CADPS: variants seen among roughly 807,000 people sequenced by gnomAD.
CADPS encodes the protein calcium-dependent secretion activator 1.
A neutral mutation model predicts 167.3 loss-of-function variants in CADPS; 57 were observed. That is an observed-to-expected ratio of 0.34 (90% CI 0.28 to 0.42). The LOEUF (loss-of-function observed/expected upper bound fraction) is 0.42, where lower values mean the gene tolerates loss of function less well. Ranked by LOEUF, CADPS falls within the 20% of genes least tolerant of loss-of-function variation. CADPS has a pLI of 1.00. For synonymous variants in CADPS, 676 were observed against 635.3 expected (o/e 1.06, Z -0.96); for missense variants, 1,414 against 1,738.1 (o/e 0.81, Z 3.32).
Position 62,704,697 on chromosome 3 carries a change from A to G in CADPS, c.889-42303T>C, listed in dbSNP as rs191665403. ...GGTTTATTCCTCTTGTATAAGGTAA[A>G]TAACATCAGTCAGCCATAGCATTAC... On this transcript the variant is annotated intron_variant, in intron 3 of 29. Transcript: ENST00000383710. Among the ~76,000 whole-genome samples the G allele has an allele frequency of 1.4e-3, 207 of 152,244 alleles. 3 individuals are homozygous for G. The highest frequency in any genetic ancestry group is 4.5e-3 in the African/African-American group (186 of 41,512).
At chr3:62,495,991 A>C (rs2064695639) in intron 18 of CADPS, among the ~76,000 whole-genome samples, 1 of 151,864 alleles carries the variant, frequency 6.6e-6, no homozygotes, top group Non-Finnish European at 1.5e-5. Flanking sequence ...AGTCACTTTG[A>C]TTTGAGTGGT....
intron 1 of CADPS, among the ~76,000 whole-genome samples, chr3:62,785,556 T>C (rs1168908308): frequency 6.6e-6 from 1 of 152,174 alleles, no homozygotes; most frequent in East Asian, 1.9e-4. Context: ...ACTGAAAGAA[T>C]GTAATGTGAT....
At chr3:62,669,621 T>C (rs2075152179) in intron 3 of CADPS, among the ~76,000 whole-genome samples, 1 of 152,210 alleles carries the variant, frequency 6.6e-6, no homozygotes, top group African/African-American at 2.4e-5. Context: ...CAAGTTCAAA[T>C]CTTTGCCTTT....
rs2083212223 is a variant in CADPS, at chr3:62,874,206, C to T, written c.441+383G>A. On this transcript the variant is annotated intron_variant, in intron 1 of 29. Coordinates refer to ENST00000383710, the MANE Select transcript of CADPS (RefSeq NM_003716.4). The surrounding 1 kb of genome is among the most constrained non-coding windows in gnomAD (Gnocchi z 7.1). ...CGGAGTTGAGCGCAGCCGCCCGCCGCTGGAGAGCGCTGGGAGCCCTGCAAG... is the reference window on the plus strand; with the variant it reads ...CGGAGTTGAGCGCAGCCGCCCGCCGTTGGAGAGCGCTGGGAGCCCTGCAAG... Among the ~76,000 whole-genome samples the T allele has an allele frequency of 6.6e-6, 1 of 152,106 alleles. No individual in the cohort carries two copies. The highest frequency in any genetic ancestry group is 2.1e-4 in the South Asian group (1 of 4,832).
At chr3:62,773,445 T>C (rs942006969) in intron 1 of CADPS, among the ~76,000 whole-genome samples, 1 of 152,082 alleles carries the variant, frequency 6.6e-6, no homozygotes, top group African/African-American at 2.4e-5. Flanking sequence ...GAAATGCAAG[T>C]TGAAGGGGGA....
intron 1 of CADPS, among the ~76,000 whole-genome samples, chr3:62,807,077 C>T (rs944539911): frequency 2.0e-5 from 3 of 152,072 alleles, no homozygotes; most frequent in East Asian, 1.9e-4. Context: ...TTGCACAAAA[C>T]GGGTCTATCA....
chr3:62,559,484 C>T (rs373027182), intron 9 of CADPS, among the ~76,000 whole-genome samples: 5 of 151,798 alleles, frequency 3.3e-5, no homozygotes, highest in East Asian at 3.9e-4. Flanking sequence ...ACTGCTGGAA[C>T]GGTCCCATGG....
At chr3:62,736,758 C>T (rs1207095743) in intron 3 of CADPS, among the ~76,000 whole-genome samples, 6 of 152,190 alleles carry the variant, frequency 3.9e-5, no homozygotes, top group Non-Finnish European at 8.8e-5. Context: ...GGATTTCTTA[C>T]TATATCCTGC....
intron 1 of CADPS, among the ~76,000 whole-genome samples, chr3:62,790,892 A>AG (rs547143661): frequency 1.1e-3 from 159 of 151,288 alleles, no homozygotes; most frequent in Middle Eastern, 6.8e-3. Context: ...TAATTAGAAT[A>AG]TTTTCAATAA....
intron 11 of CADPS, among the ~76,000 whole-genome samples, chr3:62,541,724 A>G (rs903500315): frequency 6.6e-6 from 1 of 152,094 alleles, no homozygotes; most frequent in African/African-American, 2.4e-5. Flanking sequence ...TCCCTAATTG[A>G]CTACTCTGTC....
At position 62,874,958 on chromosome 3, in the gene CADPS, G is replaced by C. The variant is rs779620579; in HGVS notation, c.72C>G (p.Leu24=). Residue 24 remains leucine (L), a synonymous_variant, in exon 1 of 30, where the codon CTC becomes CTG. Transcript: ENST00000383710. The surrounding 1 kb of genome is among the most constrained non-coding windows in gnomAD (Gnocchi z 7.1). ...GGCGCGCGCCGGACGGGGCCGAGCC[G>C]AGCACCTCCTTGCCGCTCTCCTCCT... ...IVEEESGKEV[L]GSAPSGARLS... is the part of the protein sequence containing the mutation. 1.4e-5 allele frequency: 22 copies of C among 1,581,226 alleles called. No homozygotes were observed. The South Asian group carries it at 2.1e-4, about 15-fold the overall frequency.
At chr3:62,772,120 T>C (rs944889418) in intron 1 of CADPS, among the ~76,000 whole-genome samples, 1 of 152,132 alleles carries the variant, frequency 6.6e-6, no homozygotes, top group Admixed American at 6.6e-5. Context: ...TATAGCATAG[T>C]ATCTGGCATA....
chr3:62,855,946 G>T (rs1342755148), intron 1 of CADPS, among the ~76,000 whole-genome samples: 1 of 152,080 alleles, frequency 6.6e-6, no homozygotes, highest in African/African-American at 2.4e-5. Context: ...TTTTTAGACA[G>T]AATTGAATCT....
chr3:62,532,831 T>C, intron 13 of CADPS, 40 bp downstream of exon 13: 1 of 1,587,340 alleles, frequency 6.3e-7, no homozygotes. Flanking sequence ...CCAGTGCCAT[T>C]TCTTAAGGAT....
intron 3 of CADPS, among the ~76,000 whole-genome samples, chr3:62,680,555 T>C (rs997885682): frequency 3.3e-5 from 5 of 151,996 alleles, no homozygotes; most frequent in Non-Finnish European, 7.4e-5. Flanking sequence ...TGTGTCTTTC[T>C]CTTCATTACC....
At chr3:62,539,118 T>A (rs1035659790) in intron 11 of CADPS, among the ~76,000 whole-genome samples, 2 of 152,154 alleles carry the variant, frequency 1.3e-5, no homozygotes, top group African/African-American at 4.8e-5. Context: ...CCCATCCACT[T>A]GTAGCATGAG....
At chr3:62,672,893 A>G (rs1180758262) in intron 3 of CADPS, among the ~76,000 whole-genome samples, 1 of 152,112 alleles carries the variant, frequency 6.6e-6, no homozygotes, top group East Asian at 1.9e-4. Context: ...GGGATTACAG[A>G]TGTGAGCCAC....
chr3:62,422,418 C>G (rs1229195407), intron 28 of CADPS, among the ~76,000 whole-genome samples: 1 of 152,182 alleles, frequency 6.6e-6, no homozygotes, highest in Non-Finnish European at 1.5e-5. Context: ...GACGATCTAT[C>G]GGGAAAGCTC....
At chr3:62,636,937 A>G (rs2066426792) in intron 6 of CADPS, among the ~76,000 whole-genome samples, 1 of 152,122 alleles carries the variant, frequency 6.6e-6, no homozygotes, top group Non-Finnish European at 1.5e-5. Context: ...ACCCTTGGCC[A>G]ATTGATTTCC....
Sources: gnomAD v4.1 joint callset for allele counts (sites outside exome capture counted in the v4.1 genomes callset) on GRCh38, gnomAD v4.1.1 for gene constraint, Gnocchi (gnomAD v3.1) non-coding constraint, MANE v1.5 for transcripts, NCBI Gene and HGNC (gene_info 2026-07-23, HGNC 2026-07-21) for gene names.